Variants in SV2C observed in about 807,000 individuals in gnomAD.
The protein encoded by SV2C is synaptic vesicle glycoprotein 2C.
SV2C carries 49 observed loss-of-function variants against 79.7 expected under a neutral mutation model. That is an observed-to-expected ratio of 0.61 (90% CI 0.49 to 0.78). The LOEUF (loss-of-function observed/expected upper bound fraction) is 0.78. SV2C is among the 30% of genes least tolerant of loss of function. The pLI, the probability that SV2C is intolerant of heterozygous loss-of-function variation, is 0.00. For synonymous variants in SV2C, 334 were observed against 333.2 expected, an observed-to-expected ratio of 1.00 and a Z score of -0.03; for missense variants, 833 against 912.9, an observed-to-expected ratio of 0.91 and a Z score of 1.13.
At chr5:75,971,405 T>C in the SV2C span, among the ~76,000 whole-genome samples, 1 of 152,114 alleles carries the variant, frequency 6.6e-6, no homozygotes, top group Non-Finnish European at 1.5e-5. Context: ...GCAGATGACA[T>C]GATTGCATAT....
At chr5:76,039,042 A>G in the SV2C span, among the ~76,000 whole-genome samples, 1 of 152,178 alleles carries the variant, frequency 6.6e-6, no homozygotes, top group African/African-American at 2.4e-5. Flanking sequence ...TTTTTTCTTT[A>G]GCAATTGCTT....
the SV2C span, among the ~76,000 whole-genome samples, chr5:76,043,667 A>G: frequency 6.6e-6 from 1 of 152,236 alleles, no homozygotes; most frequent in Admixed American, 6.5e-5. Flanking sequence ...ACTTTATTTT[A>G]GTGAAGCCAA....
the SV2C span, among the ~76,000 whole-genome samples, chr5:75,856,308 C>A: frequency 1.2e-4 from 18 of 152,176 alleles, no homozygotes; most frequent in South Asian, 3.7e-3. Context: ...CAGTATATAC[C>A]CAGAAGTAGG....
At chr5:76,312,757 C>G (rs1409276463) in intron 12 of SV2C, among the ~76,000 whole-genome samples, 1 of 152,188 alleles carries the variant, frequency 6.6e-6, no homozygotes, top group African/African-American at 2.4e-5. Flanking sequence ...CTTATGCCCC[C>G]TTATGCATGC....
chr5:76,066,098 G>A, the SV2C span, among the ~76,000 whole-genome samples: 1 of 152,048 alleles, frequency 6.6e-6, no homozygotes, highest in Non-Finnish European at 1.5e-5. Context: ...CCATTACTGG[G>A]TATATACCCA....
the SV2C span, among the ~76,000 whole-genome samples, chr5:76,027,382 CT>C: frequency 0.2 from 29,719 of 151,064 alleles, 3,225 homozygotes; most frequent in East Asian, 0.44. Flanking sequence ...TTTTATTATC[CT>C]TTTTTTTTGT....
intron 1 of SV2C, among the ~76,000 whole-genome samples, chr5:76,098,520 G>A (rs575476036): frequency 1.7e-4 from 26 of 152,266 alleles, no homozygotes; most frequent in South Asian, 6.2e-4. Context: ...CATTGTTGTC[G>A]GGGCAAAGCT....
chr5:76,009,095 T>G, the SV2C span, among the ~76,000 whole-genome samples: 1 of 152,152 alleles, frequency 6.6e-6, no homozygotes, highest in African/African-American at 2.4e-5. Flanking sequence ...TCTGGAATGC[T>G]CAATATCCTT....
chr5:76,309,306 G>A (rs924772203), intron 12 of SV2C, among the ~76,000 whole-genome samples: 4 of 152,068 alleles, frequency 2.6e-5, no homozygotes, highest in African/African-American at 2.4e-5. Context: ...AGACACTTAA[G>A]TTGTAGGTTG....
chr5:76,145,900 T>A (rs1749404270), intron 2 of SV2C, among the ~76,000 whole-genome samples: 1 of 152,220 alleles, frequency 6.6e-6, no homozygotes, highest in African/African-American at 2.4e-5. Flanking sequence ...GTTTGAACTC[T>A]CCTTCCAACA....
chr5:76,080,424 C>CT (rs1297872113), upstream of SV2C, among the ~76,000 whole-genome samples: 1 of 152,124 alleles, frequency 6.6e-6, no homozygotes, highest in Non-Finnish European at 1.5e-5. Flanking sequence ...AGGTGTAACT[C>CT]TGACTTTCCA....
At chr5:76,059,264 G>A in the SV2C span, among the ~76,000 whole-genome samples, 1 of 151,930 alleles carries the variant, frequency 6.6e-6, no homozygotes, top group Admixed American at 6.6e-5. Flanking sequence ...TAAAAATAAA[G>A]TTTGCTGCAT....
At chr5:76,184,058 CT>C (rs1284579694) in intron 2 of SV2C, among the ~76,000 whole-genome samples, 1 of 152,202 alleles carries the variant, frequency 6.6e-6, no homozygotes, top group African/African-American at 2.4e-5. Flanking sequence ...TCTTGGAAAG[CT>C]TTTAAGAAAT....
intron 2 of SV2C, among the ~76,000 whole-genome samples, chr5:76,190,693 G>T (rs1744072445): frequency 1.3e-5 from 2 of 152,290 alleles, no homozygotes; most frequent in South Asian, 4.1e-4. Flanking sequence ...GGCCTCTATT[G>T]TAGACACACC....
the SV2C span, among the ~76,000 whole-genome samples, chr5:75,877,020 A>T: frequency 6.6e-6 from 1 of 152,102 alleles, no homozygotes; most frequent in African/African-American, 2.4e-5. Context: ...TGGATTAAAA[A>T]CATGATCCAA....
At chr5:76,015,590 C>A in the SV2C span, among the ~76,000 whole-genome samples, 2 of 152,140 alleles carry the variant, frequency 1.3e-5, no homozygotes, top group Admixed American at 6.6e-5. Context: ...TATTTATGAA[C>A]TAATTGTTTT....
rs1749174293 is a variant in SV2C, at chr5:76,331,122, T to A, written c.*5575T>A. On this transcript the variant is annotated 3_prime_UTR_variant, in exon 13 of 13. Transcript: ENST00000502798. The stretch of plus-strand genomic sequence containing the variant: ...ATCTACCCACCTTGGCCTCCCAAAG[T>A]GCTGGGATTACAGGCATGAGCCACT... 6.6e-6 allele frequency: 1 copy of A among 152,316 alleles called. No individual in the cohort carries two copies. Among genetic ancestry groups the A allele is most frequent in the Non-Finnish European group, 1.5e-5 (1 of 68,162 alleles). 9.4% of individuals were successfully genotyped at this position (152,316 alleles called of 1,614,324 possible). A position where few individuals can be genotyped will look rare whatever the true frequency, so the allele number is the denominator to read the frequency against.
chr5:75,982,923 T>C, the SV2C span, among the ~76,000 whole-genome samples: 22 of 152,102 alleles, frequency 1.4e-4, no homozygotes, highest in Admixed American at 9.8e-4. Flanking sequence ...TGAGAACACA[T>C]GGACACTTAG....
chr5:76,070,361 C>T, the SV2C span, among the ~76,000 whole-genome samples: 1 of 152,276 alleles, frequency 6.6e-6, no homozygotes, highest in South Asian at 2.1e-4. Flanking sequence ...CCTGCCCAGG[C>T]CTTGTTCTAT....
Sources: gnomAD v4.1 joint callset for allele counts (sites outside exome capture counted in the v4.1 genomes callset) on GRCh38, gnomAD v4.1.1 for gene constraint, MANE v1.5 for transcripts, NCBI Gene and HGNC (gene_info 2026-07-23, HGNC 2026-07-21) for gene names.